Variants in ACAP2 observed in about 807,000 individuals in gnomAD.
ACAP2 encodes ArfGAP with coiled-coil, ankyrin repeat and PH domains 2.
A neutral mutation model predicts 115.8 loss-of-function variants in ACAP2; 39 were observed. The observed-to-expected ratio is 0.34, with a 90% CI of 0.26 to 0.44. The LOEUF (loss-of-function observed/expected upper bound fraction) is 0.44. ACAP2 is among the 20% of genes least tolerant of loss of function. The pLI is 1.00. For synonymous variants in ACAP2, 289 were observed against 315.8 expected (o/e 0.92, Z 0.90); for missense variants, 662 against 927.6 (o/e 0.71, Z 3.72).
rs556796097 is a variant in ACAP2, at chr3:195,328,844, C to T, written c.670-1885G>A. On this transcript the variant is annotated intron_variant, in intron 8 of 22. Transcript: ENST00000326793. ...CCTGTAATCCCAGCACTTTGGGAGG[C>T]CGAGATGGGCGAATCACAAGGTCAG... Among the ~76,000 whole-genome samples the T allele has an allele frequency of 2.0e-5, 3 of 152,276 alleles. No homozygotes were observed. The South Asian group carries it at 6.2e-4, about 32-fold the overall frequency.
chr3:195,431,998 G>C (rs989120683), intron 1 of ACAP2, among the ~76,000 whole-genome samples: 1 of 152,092 alleles, frequency 6.6e-6, no homozygotes, highest in African/African-American at 2.4e-5. Context: ...GACCATTTGG[G>C]TATGTTCTTT....
At chr3:195,300,027 CTTTTTTCTTTT>C (rs1179888026) in intron 15 of ACAP2, among the ~76,000 whole-genome samples, 92 of 121,472 alleles carry the variant, frequency 7.6e-4, no homozygotes, top group African/African-American at 2.3e-3. Flanking sequence ...TTCCGTCTTT[CTTTTTTCTTTT>C]TTTTTCTTTT....
At chr3:195,416,143 C>A (rs537307172) in intron 1 of ACAP2, among the ~76,000 whole-genome samples, 7 of 152,038 alleles carry the variant, frequency 4.6e-5, no homozygotes, top group African/African-American at 1.7e-4. Context: ...GTAAGGAGTT[C>A]GAGACCGCCC....
chr3:195,331,450 C>G (rs535757369), intron 8 of ACAP2, among the ~76,000 whole-genome samples: 1 of 151,770 alleles, frequency 6.6e-6, no homozygotes, highest in South Asian at 2.1e-4. Context: ...GTAGCTGGGA[C>G]TACAGGCATA....
At chr3:195,392,182 T>C in intron 1 of ACAP2, 35 bp from the exon 2 acceptor site, 4 of 1,537,418 alleles carry the variant, frequency 2.6e-6, no homozygotes, top group Non-Finnish European at 2.7e-6. Context: ...GTTATTTCGT[T>C]TGTTTAAATG....
At chr3:195,314,198 T>C (rs1560232771) in intron 10 of ACAP2, among the ~76,000 whole-genome samples, 1 of 143,922 alleles carries the variant, frequency 6.9e-6, no homozygotes. Context: ...AAAATTTTGT[T>C]GTTTTTTTTT....
At chr3:195,296,971 T>A (rs1727693819) in intron 16 of ACAP2, among the ~76,000 whole-genome samples, 1 of 152,170 alleles carries the variant, frequency 6.6e-6, no homozygotes, top group Admixed American at 6.5e-5. Context: ...GAGCCCTAAT[T>A]TTTAAGATCT....
At chr3:195,395,527 G>A (rs1711687806) in intron 1 of ACAP2, among the ~76,000 whole-genome samples, 1 of 152,172 alleles carries the variant, frequency 6.6e-6, no homozygotes, top group Non-Finnish European at 1.5e-5. Context: ...ATTTTGTGAT[G>A]CATGAAAATT....
chr3:195,417,051 ACAGCTGGG>A (rs1713789499), intron 1 of ACAP2, among the ~76,000 whole-genome samples: 1 of 147,622 alleles, frequency 6.8e-6, no homozygotes, highest in African/African-American at 2.5e-5. Flanking sequence ...ACCTGGGACT[ACAGCTGGG>A]CATCACAATG....
At chr3:195,344,898 T>C (rs962457151) in intron 5 of ACAP2, among the ~76,000 whole-genome samples, 1 of 152,198 alleles carries the variant, frequency 6.6e-6, no homozygotes, top group South Asian at 2.1e-4. Flanking sequence ...ATTGAAACAA[T>C]GGAAAACACA....
intron 10 of ACAP2, among the ~76,000 whole-genome samples, chr3:195,317,779 A>G (rs1560236642): frequency 1.3e-5 from 2 of 152,230 alleles, no homozygotes; most frequent in Admixed American, 6.5e-5. Context: ...TATATGAAAA[A>G]AATCCTATTT....
chr3:195,357,953 G>A (rs1732090626), intron 4 of ACAP2, among the ~76,000 whole-genome samples: 1 of 152,150 alleles, frequency 6.6e-6, no homozygotes, highest in African/African-American at 2.4e-5. Flanking sequence ...AAAACCATCA[G>A]ATCTCATGTA....
intron 1 of ACAP2, among the ~76,000 whole-genome samples, chr3:195,406,490 C>T (rs1712782410): frequency 6.6e-6 from 1 of 152,122 alleles, no homozygotes; most frequent in South Asian, 2.1e-4. Flanking sequence ...CTGGTGGTAC[C>T]TAATATTACC....
At chr3:195,325,371 A>G (rs943118480) in intron 9 of ACAP2, 1 of 419,548 alleles carries the variant, frequency 2.4e-6, no homozygotes, top group South Asian at 1.8e-5. Flanking sequence ...AAAAATCTAC[A>G]TAACTACAGG....
At chr3:195,419,738 T>A (rs1223251406) in intron 1 of ACAP2, among the ~76,000 whole-genome samples, 1 of 152,210 alleles carries the variant, frequency 6.6e-6, no homozygotes, top group African/African-American at 2.4e-5. Flanking sequence ...GGGAAATGTA[T>A]GTAACCTACC....
rs377628235 is a variant in ACAP2 at position 195,341,321 on chromosome 3, G to GTTTTTT, written c.528+1144_528+1149dup. 3.2e-4 allele frequency among the ~76,000 whole-genome samples: 34 copies of GTTTTTT among 107,060 alleles called. 3 individuals are homozygous for GTTTTTT. The highest frequency in any genetic ancestry group is 1.4e-3 in the East Asian group (5 of 3,486). 70.2% of individuals were successfully genotyped at this position (107,060 alleles called of 152,430 possible). A position where few individuals can be genotyped will look rare whatever the true frequency, so the allele number is the denominator to read the frequency against. On this transcript the variant is annotated intron_variant, in intron 6 of 22. Coordinates refer to ENST00000326793, the MANE Select transcript of ACAP2 (RefSeq NM_012287.6). ...TTCGTTTGTTTGTTTTATTGTGTGG[G>GTTTTTT]TTTTTTTTTTTTTTTTTTTTTGAGA...
intron 4 of ACAP2, among the ~76,000 whole-genome samples, chr3:195,351,528 G>C (rs1025194022): frequency 1.3e-5 from 2 of 150,410 alleles, no homozygotes; most frequent in African/African-American, 2.5e-5. Context: ...GTGGCGTGAT[G>C]TCAGCTCACT....
At chr3:195,400,431 A>G (rs1461835856) in intron 1 of ACAP2, among the ~76,000 whole-genome samples, 2 of 151,974 alleles carry the variant, frequency 1.3e-5, no homozygotes, top group Non-Finnish European at 2.9e-5. Context: ...AATAATCATT[A>G]TTGACAGAAT....
chr3:195,324,391 T>A (rs1729640385), intron 9 of ACAP2, among the ~76,000 whole-genome samples: 1 of 152,066 alleles, frequency 6.6e-6, no homozygotes, highest in African/African-American at 2.4e-5. Context: ...CTAGTCTGGA[T>A]CAACTGACTA....
Sources: gnomAD v4.1 joint callset for allele counts (sites outside exome capture counted in the v4.1 genomes callset) on GRCh38, gnomAD v4.1.1 for gene constraint, MANE v1.5 for transcripts, NCBI Gene and HGNC (gene_info 2026-07-23, HGNC 2026-07-21) for gene names.